The following AIG1 variants were observed in gnomAD, a reference collection of about 807,000 sequenced individuals.
AIG1 encodes androgen-induced gene 1 protein.
In AIG1, 23 loss-of-function variants were observed where a neutral mutation model predicts 31.4. That is an observed-to-expected ratio of 0.73 (90% CI 0.53 to 1.04). AIG1 has a LOEUF of 1.04. AIG1 is among the 50% of genes least tolerant of loss of function. The pLI, the probability that AIG1 is intolerant of heterozygous loss-of-function variation, is 0.00. For synonymous variants in AIG1, 100 were observed against 110.5 expected (o/e 0.90, Z 0.60); for missense variants, 274 against 295.0 (o/e 0.93, Z 0.52).
intron 3 of AIG1, among the ~76,000 whole-genome samples, chr6:143,205,928 T>A (rs1407269849): frequency 6.6e-6 from 1 of 152,254 alleles, no homozygotes; most frequent in African/African-American, 2.4e-5. Flanking sequence ...GCCTTGCCAA[T>A]GGAAATACCG....
Position 143,333,715 on chromosome 6 carries a change from G to A in AIG1, c.679+270G>A, listed in dbSNP as rs1777266187. ...TCTATAAAATTTTATAGGGAAAAATGTAGTGTTAGCAAAAAATATATATTA... is the reference window on the plus strand; with the variant it reads ...TCTATAAAATTTTATAGGGAAAAATATAGTGTTAGCAAAAAATATATATTA... On this transcript the variant is annotated intron_variant, in intron 5 of 5. Transcript: ENST00000357847. This position sits in a 1 kb window ranked among gnomAD's most constrained non-coding sequence, Gnocchi z 4.6. 6.6e-6 allele frequency among the ~76,000 whole-genome samples: 1 copy of A among 152,180 alleles called. No individual in the cohort carries two copies. The highest frequency in any genetic ancestry group is 2.4e-5 in the African/African-American group (1 of 41,438).
At chr6:143,207,064 T>TA (rs1162216451) in intron 3 of AIG1, among the ~76,000 whole-genome samples, 52 of 152,158 alleles carry the variant, frequency 3.4e-4, no homozygotes, top group African/African-American at 1.3e-3. Context: ...TCCCTGTATC[T>TA]ATAAGAGTGG....
At chr6:143,219,816 G>A (rs114462255) in intron 3 of AIG1, among the ~76,000 whole-genome samples, 1,616 of 152,284 alleles carry the variant, frequency 0.011, 29 homozygotes, top group African/African-American at 0.037. Flanking sequence ...TAGCAGAGTA[G>A]CATGGAAAAC....
chr6:143,246,607 C>G lies in AIG1; in HGVS notation c.400-37503C>G, dbSNP rs544070961. 9.2e-5 allele frequency among the ~76,000 whole-genome samples: 14 copies of G among 152,316 alleles called. No homozygotes were observed. The East Asian group carries it at 2.3e-3, about 25-fold the overall frequency. ...TGAGACAATCTGCTTGAGCCATTCA[C>G]CACAGAAATTTGCATTGAATGATAA... On this transcript the variant is annotated intron_variant, in intron 3 of 5. Transcript: ENST00000357847.
intron 3 of AIG1, among the ~76,000 whole-genome samples, chr6:143,216,909 C>G (rs1419162722): frequency 6.6e-6 from 1 of 152,172 alleles, no homozygotes; most frequent in Non-Finnish European, 1.5e-5. Context: ...TAAATAATCT[C>G]TAATCTGGTT....
At chr6:143,158,292 C>T (rs1245788574) in intron 2 of AIG1, among the ~76,000 whole-genome samples, 3 of 152,156 alleles carry the variant, frequency 2.0e-5, no homozygotes, top group Non-Finnish European at 4.4e-5. Context: ...AAACAGGGGT[C>T]AGAGCATTTC....
At chr6:143,064,617 A>G (rs968505521) in intron 1 of AIG1, among the ~76,000 whole-genome samples, 1 of 152,248 alleles carries the variant, frequency 6.6e-6, no homozygotes, top group Non-Finnish European at 1.5e-5. Context: ...ACTTAGAAAA[A>G]AAACTTAACT....
intron 1 of AIG1, among the ~76,000 whole-genome samples, chr6:143,134,424 T>G (rs536225335): frequency 6.6e-6 from 1 of 151,572 alleles, no homozygotes; most frequent in Admixed American, 6.6e-5. Context: ...GGTTTAACAT[T>G]TTGTTGTGAA....
intron 2 of AIG1, among the ~76,000 whole-genome samples, chr6:143,137,903 T>C (rs925841031): frequency 6.6e-6 from 1 of 152,222 alleles, no homozygotes; most frequent in African/African-American, 2.4e-5. Flanking sequence ...GTCTCAGTGA[T>C]GTGGTCTAGC....
chr6:143,102,483 T>C (rs1780379564), intron 1 of AIG1, among the ~76,000 whole-genome samples: 1 of 147,060 alleles, frequency 6.8e-6, no homozygotes, highest in Non-Finnish European at 1.5e-5. Flanking sequence ...AAATATAATA[T>C]ATATAAAAAT....
chr6:143,269,935 T>C lies in AIG1; in HGVS notation c.400-14175T>C, dbSNP rs1345628356. The stretch of plus-strand genomic sequence containing the variant: ...CTTTAGGAACATTTGTTGATTTTTC[T>C]GGACACTCACTATTTGTGCACTTTT... On this transcript the variant is annotated intron_variant, in intron 3 of 5. Transcript: ENST00000357847. Among the ~76,000 whole-genome samples the C allele has an allele frequency of 2.0e-5, 3 of 152,226 alleles. No individual in the cohort carries two copies. In the East Asian group the frequency reaches 5.8e-4, roughly 29 times the overall value.
chr6:143,202,836 C>T (rs892681461), intron 3 of AIG1, among the ~76,000 whole-genome samples: 1 of 152,106 alleles, frequency 6.6e-6, no homozygotes, highest in African/African-American at 2.4e-5. Context: ...CAATCACTAG[C>T]GGAGGTGTCC....
At chr6:143,080,752 G>C (rs927805519) in intron 1 of AIG1, among the ~76,000 whole-genome samples, 1 of 152,156 alleles carries the variant, frequency 6.6e-6, no homozygotes, top group African/African-American at 2.4e-5. Context: ...TTGTCTGCTG[G>C]ATTTTCGGGT....
rs538973751 is a variant in AIG1 at position 143,294,215 on chromosome 6, A to C, written c.515+9990A>C. Among the ~76,000 whole-genome samples the C allele has an allele frequency of 2.0e-5, 3 of 152,244 alleles. No individual in the cohort carries two copies. In the South Asian group the frequency reaches 6.2e-4, roughly 32 times the overall value. On this transcript the variant is annotated intron_variant, in intron 4 of 5. Transcript: ENST00000357847. ...TTCAGTCTCACTGCTGGATCCTTTC[A>C]ATCAGCATCTGAACACACTGTAGTC...
chr6:143,101,609 G>A (rs866235246), intron 1 of AIG1, among the ~76,000 whole-genome samples: 10 of 152,186 alleles, frequency 6.6e-5, no homozygotes, highest in Admixed American at 1.3e-4. Context: ...TGTCAGGTGT[G>A]ACACCGTAGA....
At chr6:143,129,542 C>T (rs947438258) in intron 1 of AIG1, among the ~76,000 whole-genome samples, 1 of 152,094 alleles carries the variant, frequency 6.6e-6, no homozygotes, top group African/African-American at 2.4e-5. Flanking sequence ...AAGTATAAGA[C>T]TTCATTTGTA....
intron 3 of AIG1, among the ~76,000 whole-genome samples, chr6:143,208,806 A>G (rs774844816): frequency 6.6e-6 from 1 of 151,924 alleles, no homozygotes; most frequent in South Asian, 2.1e-4. Flanking sequence ...CTGGAAAATG[A>G]TCTCCTAGGA....
At chr6:143,077,336 A>G (rs1033045019) in intron 1 of AIG1, among the ~76,000 whole-genome samples, 10 of 152,168 alleles carry the variant, frequency 6.6e-5, no homozygotes, top group African/African-American at 2.2e-4. Context: ...CTCTGATATC[A>G]TTTCCCTTCA....
chr6:143,276,951 A>T (rs1430012835), intron 3 of AIG1, among the ~76,000 whole-genome samples: 2 of 152,142 alleles, frequency 1.3e-5, no homozygotes, highest in Non-Finnish European at 2.9e-5. Flanking sequence ...CCAAGGGCAG[A>T]TCCACGTTGA....
Sources: gnomAD v4.1 joint callset for allele counts (sites outside exome capture counted in the v4.1 genomes callset) on GRCh38, gnomAD v4.1.1 for gene constraint, Gnocchi (gnomAD v3.1) non-coding constraint, MANE v1.5 for transcripts, NCBI Gene and HGNC (gene_info 2026-07-23, HGNC 2026-07-21) for gene names.